The following SON variants were observed in gnomAD, a reference collection of about 807,000 sequenced individuals.
SON encodes the protein protein SON.
In SON, 4 loss-of-function variants were observed where a neutral mutation model predicts 173.3. The observed-to-expected ratio is 0.02, with a 90% CI of 0.01 to 0.05. The LOEUF (loss-of-function observed/expected upper bound fraction) is 0.05. SON is among the 10% of genes least tolerant of loss of function. The pLI is 1.00. For synonymous variants in SON, 1,190 were observed against 1,105.9 expected, an observed-to-expected ratio of 1.08 and a Z score of -1.51; for missense variants, 2,626 against 3,055.3, an observed-to-expected ratio of 0.86 and a Z score of 3.31.
rs1289758736 is a variant in SON at position 33,554,349 on chromosome 21, A to C, written c.5118A>C (p.Lys1706Asn). 1 of 1,614,128 alleles carries C rather than the reference A, an allele frequency of 6.2e-7. No homozygotes were observed. Among genetic ancestry groups the C allele is most frequent in the Non-Finnish European group, 8.5e-7 (1 of 1,179,972 alleles). The change falls in exon 3 of 12, where the codon AAA becomes AAC. Residue 1706 changes from lysine to asparagine, a missense_variant. Lys to Asn is a moderately conservative substitution (Grantham distance 94). Around this residue, in one of 13 missense-constraint regions of SON, gnomAD observed 1,006 missense variants for 895.6 expected, o/e 1.12. Transcript: ENST00000356577. ...LSPKESSGGE[K>N]EVPPPPKETL... is the part of the protein sequence containing the mutation. ...CTAAAGAAAGTAGTGGAGGAGAAAA[A>C]GAAGTACCTCCCCCTCCTAAAGAGA...
Position 33,553,080 on chromosome 21 carries a change from T to C in SON, c.3849T>C (p.Cys1283=), listed in dbSNP as rs1269412497. The C allele has an allele frequency of 6.2e-6, 10 of 1,613,928 alleles. No homozygotes were observed. The highest frequency in any genetic ancestry group is 2.7e-5 in the African/African-American group (2 of 74,940). ...TTGTTCCAGAGAGACCAGTGACTTG[T>C]ATGGTATCTGAAACTCCCGCCATGT... ...HEVVPERPVT[C]MVSETPAMSA... The change falls in exon 3 of 12, where the codon TGT becomes TGC. Residue 1283 remains cysteine (C), a synonymous_variant. Transcript: ENST00000356577.
chr21:33,543,216 T>C, intron 1 of SON, 47 bp downstream of exon 1: 2 of 1,476,118 alleles, frequency 1.4e-6, no homozygotes, highest in Non-Finnish European at 1.9e-6. Flanking sequence ...CGTTAGGCCC[T>C]CACCTAGCCT....
At position 33,554,535 on chromosome 21, in the gene SON, C is replaced by T. The variant is rs757435430; in HGVS notation, c.5304C>T (p.Ala1768=). Residue 1768 remains alanine, a synonymous_variant, in exon 3 of 12, where the codon GCC becomes GCT. Transcript: ENST00000356577. ...ATGTTGGACGTGACAGATCTGCTGC[C>T]AGCCCGGTTGTAAGTAGTATGCCAG... The part of the protein sequence containing the change: ...ASDVGRDRSA[A]SPVVSSMPER... 5.0e-6 allele frequency: 8 copies of T among 1,613,722 alleles called. No individual in the cohort carries two copies. The highest frequency in any genetic ancestry group is 6.8e-6 in the Non-Finnish European group (8 of 1,180,050).
intron 6 of SON, chr21:33,560,424 C>T (rs1425009845): frequency 5.0e-5 from 55 of 1,093,334 alleles, no homozygotes; most frequent in Non-Finnish European, 6.0e-5. Flanking sequence ...TATTAAAAGT[C>T]GGAGAAGTGG....
At position 33,553,972 on chromosome 21, in the gene SON, T is replaced by C; in HGVS notation, c.4741T>C (p.Tyr1581His). 3 of 1,614,160 alleles carry C rather than the reference T, an allele frequency of 1.9e-6. No homozygotes were observed. Among genetic ancestry groups the C allele is most frequent in the Non-Finnish European group, 2.5e-6 (3 of 1,179,992 alleles). ...TAAACAGCGCACAGTATTGGATACC[T>C]ACCCTGGTGTTAGTGAAGCTGATGC... The part of the protein sequence containing the change: ...ETKQRTVLDT[Y>H]PGVSEADAGE... Residue 1581 changes from tyrosine (Y) to histidine (H), a missense_variant, in exon 3 of 12, where the codon TAC becomes CAC. Physicochemically the swap from Tyr to His is moderately conservative, Grantham distance 83. Coordinates refer to ENST00000356577, the MANE Select transcript of SON (RefSeq NM_138927.4).
rs765797562 is a variant in SON at position 33,551,390 on chromosome 21, C to G, written c.2159C>G (p.Thr720Ser). The change falls in exon 3 of 12, where the codon ACC becomes AGC. Residue 720 changes from threonine to serine, a missense_variant. Transcript: ENST00000356577. Reference sequence around the variant, plus strand: ...GAATCCCATATATTAGCTTCTAACACCATGGAGACCCATATATTAGCATCC... The same window carrying G: ...GAATCCCATATATTAGCTTCTAACAGCATGGAGACCCATATATTAGCATCC... ...APESHILASN[T>S]METHILASNT... The G allele has an allele frequency of 1.2e-6, 2 of 1,614,002 alleles. No homozygotes were observed. The highest frequency in any genetic ancestry group is 3.3e-5 in the Admixed American group (2 of 59,998).
Position 33,551,286 on chromosome 21 carries a change from T to A in SON, c.2055T>A (p.Asn685Lys), listed in dbSNP as rs1242373422. 1 of 1,614,128 alleles carries A rather than the reference T, an allele frequency of 6.2e-7. No homozygotes were observed. The highest frequency in any genetic ancestry group is 1.3e-5 in the African/African-American group (1 of 75,028). Residue 685 changes from asparagine to lysine, a missense_variant, in exon 3 of 12, where the codon AAT (asparagine) becomes AAA (lysine). Asn to Lys is a moderately conservative substitution (Grantham distance 94). Transcript: ENST00000356577. Reference sequence around the variant, plus strand: ...CGACGACAGCGCTGGAATCCTATAATACGGTAGCACAGGAGCTGCCTACTA... The same window carrying A: ...CGACGACAGCGCTGGAATCCTATAAAACGGTAGCACAGGAGCTGCCTACTA... ...VPSTTALESYNTVAQELPTTL... is the reference protein window; with the variant it reads ...VPSTTALESYKTVAQELPTTL...
chr21:33,543,495 A>C, intron 1 of SON: 1 of 349,392 alleles, frequency 2.9e-6, no homozygotes, highest in East Asian at 6.3e-5. Flanking sequence ...GGACGGGCCT[A>C]GTTCCTTCCT....
At chr21:33,569,584 CCTT>C (rs1374917480) in intron 8 of SON, 2 of 462,698 alleles carry the variant, frequency 4.3e-6, no homozygotes, top group Admixed American at 4.8e-5. Flanking sequence ...AGTGCCTGTG[CCTT>C]CTTGTAAGAT....
At position 33,552,183 on chromosome 21, in the gene SON, T is replaced by C. The variant is rs1358055300; in HGVS notation, c.2952T>C (p.Tyr984=). Residue 984 remains tyrosine (Y), a synonymous_variant, in exon 3 of 12, where the codon TAT becomes TAC. Transcript: ENST00000356577. The surrounding 1 kb of genome is among the most constrained non-coding windows in gnomAD (Gnocchi z 5.6). ...CCTATAGAATAGCACCCAGGCCATATAGGTTAGCACCTAGACCCCTGATGT... is the reference window on the plus strand; with the variant it reads ...CCTATAGAATAGCACCCAGGCCATACAGGTTAGCACCTAGACCCCTGATGT... ...PRSYRIAPRP[Y]RLAPRPLMLA... is the part of the protein sequence containing the mutation. 5.6e-6 allele frequency: 9 copies of C among 1,613,962 alleles called. No homozygotes were observed. The highest frequency in any genetic ancestry group is 2.7e-5 in the African/African-American group (2 of 74,892).
intron 6 of SON, chr21:33,560,545 G>A (rs1355009210): frequency 2.0e-6 from 2 of 988,986 alleles, no homozygotes; most frequent in African/African-American, 1.7e-5. Flanking sequence ...GCTAAATATA[G>A]TGCACATGAA....
Position 33,550,903 on chromosome 21 carries a change from C to T in SON, c.1672C>T (p.Leu558=). The change falls in exon 3 of 12, where the codon CTG becomes TTG. Residue 558 remains leucine (L), a synonymous_variant. Coordinates refer to ENST00000356577, the MANE Select transcript of SON (RefSeq NM_138927.4). The part of the protein sequence containing the change: ...LPGQPVATTA[L]ELPGQPSVTG... ...AGGACAGCCAGTGGCAACGACAGCG[C>T]TGGAGTTGCCGGGGCAGCCTTCGGT... is the stretch of plus-strand genomic sequence containing the variant. 6.2e-7 allele frequency: 1 copy of T among 1,608,796 alleles called. No homozygotes were observed. The highest frequency in any genetic ancestry group is 1.1e-5 in the South Asian group (1 of 90,912).
At chr21:33,543,890 A>G (rs538208095) in intron 1 of SON, among the ~76,000 whole-genome samples, 16 of 152,326 alleles carry the variant, frequency 1.1e-4, no homozygotes, top group Admixed American at 3.3e-4. Flanking sequence ...GCCCCAGTTG[A>G]CACGCTATTT....
chr21:33,567,101 T>A (rs954850362), intron 6 of SON, 56 bp from the exon 7 acceptor site: 2 of 998,754 alleles, frequency 2.0e-6, no homozygotes, highest in African/African-American at 1.6e-5. Context: ...TGAGTACTTT[T>A]CAGAATTTAG....
chr21:33,543,409 G>C, intron 1 of SON: 1 of 563,542 alleles, frequency 1.8e-6, no homozygotes, highest in South Asian at 2.0e-5. Flanking sequence ...TCAGAACCGA[G>C]TTAAGATGTT....
At chr21:33,543,650 T>C (rs960705408) in intron 1 of SON, among the ~76,000 whole-genome samples, 1 of 152,220 alleles carries the variant, frequency 6.6e-6, no homozygotes, top group African/African-American at 2.4e-5. Flanking sequence ...TTCAGACCGC[T>C]TGGGGGTCTG....
At chr21:33,548,305 T>G (rs889519243) in intron 2 of SON, among the ~76,000 whole-genome samples, 5 of 151,782 alleles carry the variant, frequency 3.3e-5, no homozygotes, top group Non-Finnish European at 5.9e-5. Flanking sequence ...GTTATCTCTT[T>G]AGGGTATGTA....
At position 33,552,033 on chromosome 21, in the gene SON, C is replaced by G; in HGVS notation, c.2802C>G (p.Pro934=). The G allele has an allele frequency of 6.2e-7, 1 of 1,614,028 alleles. No individual in the cohort carries two copies. The change falls in exon 3 of 12, where the codon CCC becomes CCG. Residue 934 remains proline (P), a synonymous_variant. Transcript: ENST00000356577. This position sits in a 1 kb window ranked among gnomAD's most constrained non-coding sequence, Gnocchi z 5.6. ...AQDPYRLGHD[P]YRLGHDAYRL... is the part of the protein sequence containing the mutation. ...ATCCCTATAGGTTGGGCCATGACCC[C>G]TATAGATTAGGTCATGATGCTTACA...
At position 33,549,721 on chromosome 21, in the gene SON, G is replaced by C. The variant is rs775502003; in HGVS notation, c.490G>C (p.Ala164Pro). 1.7e-5 allele frequency: 27 copies of C among 1,613,568 alleles called. No homozygotes were observed. In the Admixed American group the frequency reaches 3.0e-4, roughly 18 times the overall value. The change falls in exon 3 of 12, where the codon GCT becomes CCT. Residue 164 changes from alanine to proline, a missense_variant. By Grantham distance (27) the Ala-to-Pro change is conservative. Transcript: ENST00000356577. ...SFLKFDSEPS[A>P]VALELPTRAF... Reference sequence around the variant, plus strand: ...TTTAAAGTTTGATTCTGAACCTTCAGCTGTGGCGCTGGAGCTTCCTACAAG... The same window carrying C: ...TTTAAAGTTTGATTCTGAACCTTCACCTGTGGCGCTGGAGCTTCCTACAAG...
Sources: allele counts gnomAD v4.1 joint callset (sites outside exome capture counted in the v4.1 genomes callset), GRCh38; gene constraint gnomAD v4.1.1; regional missense constraint gnomAD v4.1.1; non-coding constraint Gnocchi (gnomAD v3.1); transcripts MANE v1.5; gene names NCBI Gene and HGNC (gene_info 2026-07-23, HGNC 2026-07-21).